NR5A2: variants seen among roughly 807,000 people sequenced by gnomAD.
The protein encoded by NR5A2 is CYP7A promoter-binding factor.
A neutral mutation model predicts 62.7 loss-of-function variants in NR5A2; 26 were observed. That is an observed-to-expected ratio of 0.41 (90% CI 0.30 to 0.58). The LOEUF is 0.58. NR5A2 is among the 20% of genes least tolerant of loss of function. NR5A2 has a pLI of 0.22. For synonymous variants in NR5A2, 246 were observed against 241.7 expected, an observed-to-expected ratio of 1.02 and a Z score of -0.16; for missense variants, 541 against 669.1, an observed-to-expected ratio of 0.81 and a Z score of 2.11.
At chr1:200,120,475 A>C (rs142548747) in intron 6 of NR5A2, among the ~76,000 whole-genome samples, 5 of 152,232 alleles carry the variant, frequency 3.3e-5, no homozygotes, top group African/African-American at 4.8e-5. Flanking sequence ...AAAAGTGATT[A>C]TATTTATCAG....
intron 5 of NR5A2, among the ~76,000 whole-genome samples, chr1:200,086,777 G>A (rs1279646971): frequency 6.6e-6 from 1 of 152,130 alleles, no homozygotes; most frequent in Admixed American, 6.6e-5. Flanking sequence ...GGTGGCTCAC[G>A]CCTCTAATTC....
intron 5 of NR5A2, among the ~76,000 whole-genome samples, chr1:200,101,853 A>G (rs954610621): frequency 2.0e-5 from 3 of 152,222 alleles, no homozygotes; most frequent in Admixed American, 2.0e-4. Flanking sequence ...GGTTAAGAGG[A>G]AGAATAAAAG....
rs1654465390 is a variant in NR5A2, at chr1:200,177,313, A to G, written c.*3103A>G. ...TTGTTGATGTTTTCTTACTGTATCA[A>G]TGAAATACATATTGTCATGTCAGTT... On this transcript the variant is annotated 3_prime_UTR_variant, in exon 8 of 8. Coordinates refer to ENST00000367362, the MANE Select transcript of NR5A2 (RefSeq NM_205860.3). The G allele has an allele frequency of 6.6e-6, 1 of 152,670 alleles. No homozygotes were observed. The highest frequency in any genetic ancestry group is 1.5e-5 in the Non-Finnish European group (1 of 68,036). The allele number at this position is 152,670 out of a possible 1,614,324, so 9.5% of individuals were successfully genotyped here.
chr1:200,074,756 A>AAAAAAAAAAAAAC (rs1304164782), intron 5 of NR5A2, among the ~76,000 whole-genome samples: 1 of 137,640 alleles, frequency 7.3e-6, no homozygotes, highest in Admixed American at 7.3e-5. Context: ...AAAAAAAAAA[A>AAAAAAAAAAAAAC]CACGAGAGAA....
At position 200,174,148 on chromosome 1, in the gene NR5A2, C is replaced by T; in HGVS notation, c.1564C>T (p.Leu522=). Residue 522 remains leucine, a synonymous_variant, in exon 8 of 8, where the codon CTG becomes TTG. Coordinates refer to ENST00000367362, the MANE Select transcript of NR5A2 (RefSeq NM_205860.3). The part of the protein sequence containing the change: ...QAEEYLYYKH[L]NGDVPYNNLL... Reference sequence around the variant, plus strand: ...TGAAGAATACCTCTACTACAAGCACCTGAACGGGGATGTGCCCTATAATAA... The same window carrying T: ...TGAAGAATACCTCTACTACAAGCACTTGAACGGGGATGTGCCCTATAATAA... 1 of 1,613,624 alleles carries T rather than the reference C, an allele frequency of 6.2e-7. No homozygotes were observed. The highest frequency in any genetic ancestry group is 8.5e-7 in the Non-Finnish European group (1 of 1,179,892).
intron 7 of NR5A2, among the ~76,000 whole-genome samples, chr1:200,144,188 C>T (rs1445637268): frequency 6.6e-6 from 1 of 151,370 alleles, no homozygotes; most frequent in African/African-American, 2.4e-5. Context: ...CACCAACCAC[C>T]ACCGCCACCA....
intron 7 of NR5A2, among the ~76,000 whole-genome samples, chr1:200,143,251 G>A (rs1667526168): frequency 6.6e-6 from 1 of 152,028 alleles, no homozygotes; most frequent in African/African-American, 2.4e-5. Flanking sequence ...AGTCCTATAT[G>A]GTGTTTAGGC....
intron 7 of NR5A2, 26 bp downstream of exon 7, chr1:200,120,981 G>A: frequency 6.2e-7 from 1 of 1,612,796 alleles, no homozygotes; most frequent in African/African-American, 1.3e-5. Flanking sequence ...CTCATGCTGT[G>A]CTCAACCAAC....
chr1:200,058,767 CCG>C (rs1005581303), intron 5 of NR5A2, among the ~76,000 whole-genome samples: 2 of 150,006 alleles, frequency 1.3e-5, no homozygotes, highest in African/African-American at 4.9e-5. Flanking sequence ...GCATGAACCA[CCG>C]CGCTGGGCTG....
intron 1 of NR5A2, among the ~76,000 whole-genome samples, chr1:200,031,549 A>G (rs1382453478): frequency 6.7e-6 from 1 of 150,182 alleles, no homozygotes; most frequent in African/African-American, 2.5e-5. Context: ...AAACAAAAAA[A>G]GGATTTCTTT....
chr1:200,169,204 G>A (rs1654056297), intron 7 of NR5A2, among the ~76,000 whole-genome samples: 1 of 151,400 alleles, frequency 6.6e-6, no homozygotes, highest in South Asian at 2.1e-4. Context: ...ACGAGACTCT[G>A]TCCCTATTTA....
chr1:200,093,023 A>T (rs895614291), intron 5 of NR5A2, among the ~76,000 whole-genome samples: 4 of 151,944 alleles, frequency 2.6e-5, no homozygotes, highest in African/African-American at 9.7e-5. Flanking sequence ...AGCTGGGATT[A>T]CAGGCACATG....
At chr1:200,089,786 C>A (rs1664732904) in intron 5 of NR5A2, among the ~76,000 whole-genome samples, 1 of 152,204 alleles carries the variant, frequency 6.6e-6, no homozygotes, top group Non-Finnish European at 1.5e-5. Flanking sequence ...CTTTCTTGCA[C>A]TGTCAAACAA....
Position 200,115,244 on chromosome 1 carries a change from T to C in NR5A2, c.1230+3923T>C, listed in dbSNP as rs777202583. Among the ~76,000 whole-genome samples, 28 of 152,198 alleles carry C rather than the reference T, an allele frequency of 1.8e-4. 1 individual carries two copies. The highest frequency in any genetic ancestry group is 1.8e-3 in the Admixed American group (28 of 15,280). ...TGCCACCACTTGAATCAACTTTTTGTTGAATTCTCTTCCAATCTTTGGGGG... is the reference window on the plus strand; with the variant it reads ...TGCCACCACTTGAATCAACTTTTTGCTGAATTCTCTTCCAATCTTTGGGGG... On this transcript the variant is annotated intron_variant, in intron 6 of 7. Transcript: ENST00000367362.
intron 6 of NR5A2, among the ~76,000 whole-genome samples, chr1:200,111,961 T>A (rs1665973731): frequency 6.6e-6 from 1 of 150,858 alleles, no homozygotes; most frequent in Non-Finnish European, 1.5e-5. Context: ...GTGAACAAAA[T>A]AAAAAGGTTC....
chr1:200,089,746 A>G (rs1420725222), intron 5 of NR5A2, among the ~76,000 whole-genome samples: 1 of 152,236 alleles, frequency 6.6e-6, no homozygotes, highest in Non-Finnish European at 1.5e-5. Flanking sequence ...CTGGGATTAC[A>G]GGCGTGAGCC....
chr1:200,120,778 A>C (rs763494753), intron 6 of NR5A2, 30 bp from the exon 7 acceptor site: 1 of 1,508,280 alleles, frequency 6.6e-7, no homozygotes, highest in Admixed American at 2.4e-5. Flanking sequence ...TGATTCTGAT[A>C]GTCCTTAAAA....
chr1:200,118,251 A>T (rs1666331797), intron 6 of NR5A2, among the ~76,000 whole-genome samples: 1 of 152,066 alleles, frequency 6.6e-6, no homozygotes, highest in Non-Finnish European at 1.5e-5. Context: ...TCCCGACCTC[A>T]GGTGATCCAC....
In NR5A2 at chr1:200,039,935, C is replaced by G; in HGVS notation, c.202+140C>G. 2 of 892,256 alleles carry G rather than the reference C, an allele frequency of 2.2e-6. No individual in the cohort carries two copies. The highest frequency in any genetic ancestry group is 3.2e-6 in the Non-Finnish European group (2 of 623,774). The allele number at this position is 892,256 out of a possible 1,614,324, so 55.3% of individuals were successfully genotyped here. On this transcript the variant is annotated intron_variant, in intron 2 of 7. Coordinates refer to ENST00000367362, the MANE Select transcript of NR5A2 (RefSeq NM_205860.3). This position sits in a 1 kb window ranked among gnomAD's most constrained non-coding sequence, Gnocchi z 5.1. ...CGCAGCCGCGGGAGTCAAGCCCCCT[C>G]CCCAGGTGCAGGCATAAAAGTTTAT... is the stretch of plus-strand genomic sequence containing the variant.
Sources: allele counts gnomAD v4.1 joint callset (sites outside exome capture counted in the v4.1 genomes callset), GRCh38; gene constraint gnomAD v4.1.1; non-coding constraint Gnocchi (gnomAD v3.1); transcripts MANE v1.5; gene names NCBI Gene and HGNC (gene_info 2026-07-23, HGNC 2026-07-21).